MTREX: variants seen among roughly 807,000 people sequenced by gnomAD.
The protein encoded by MTREX is Mtr4 exosome RNA helicase.
MTREX carries 76 observed loss-of-function variants against 135.4 expected under a neutral mutation model. That is an observed-to-expected ratio of 0.56 (90% CI 0.47 to 0.68). The LOEUF is 0.68. MTREX is among the 30% of genes least tolerant of loss of function. MTREX has a pLI of 0.00. For synonymous variants in MTREX, 404 were observed against 401.6 expected (o/e 1.01, Z -0.07); for missense variants, 920 against 1,262.1 (o/e 0.73, Z 4.11).
chr5:55,343,495 A>G lies in MTREX; in HGVS notation c.906+40A>G, dbSNP rs760633993. 1.9e-6 allele frequency: 3 copies of G among 1,562,484 alleles called. No homozygotes were observed. In the South Asian group the frequency reaches 3.4e-5, roughly 18 times the overall value. Reference sequence around the variant, plus strand: ...TTTTTTGATGTCTTCAATATTCAAAATGTTACAGATTAGTCTTGCTTTACT... The same window carrying G: ...TTTTTTGATGTCTTCAATATTCAAAGTGTTACAGATTAGTCTTGCTTTACT... On this transcript the variant is annotated intron_variant, in intron 8 of 26. Transcript: ENST00000230640.
At chr5:55,337,248 G>A (rs570576592) in intron 5 of MTREX, among the ~76,000 whole-genome samples, 4 of 152,090 alleles carry the variant, frequency 2.6e-5, no homozygotes, top group Admixed American at 6.5e-5. Context: ...AGCCACCTTA[G>A]TAACTGGGAG....
At chr5:55,374,264 T>TA (rs1554033277) in intron 16 of MTREX, among the ~76,000 whole-genome samples, 14 of 139,654 alleles carry the variant, frequency 1.0e-4, no homozygotes, top group Admixed American at 2.9e-4. Flanking sequence ...CAAAAAACAT[T>TA]TATATATATA....
In MTREX at chr5:55,424,793, G is replaced by C. The variant is rs1463263445; in HGVS notation, c.*21G>C. 2 of 1,580,396 alleles carry C rather than the reference G, an allele frequency of 1.3e-6. No individual in the cohort carries two copies. The highest frequency in any genetic ancestry group is 1.7e-6 in the Non-Finnish European group (2 of 1,149,836). On this transcript the variant is annotated 3_prime_UTR_variant, in exon 27 of 27. Coordinates refer to ENST00000230640, the MANE Select transcript of MTREX (RefSeq NM_015360.5). ...TGTAGAGTCAGCTAAAGGAATGTGA[G>C]ATTTTAAATTATTGACCACCTGTTT...
At chr5:55,371,011 A>G (rs371698212) in intron 16 of MTREX, among the ~76,000 whole-genome samples, 5 of 152,232 alleles carry the variant, frequency 3.3e-5, no homozygotes, top group African/African-American at 1.2e-4. Flanking sequence ...AGTGAGCCAT[A>G]AGAGTAGAGG....
At chr5:55,407,691 C>T (rs1750828146) in intron 22 of MTREX, among the ~76,000 whole-genome samples, 1 of 152,078 alleles carries the variant, frequency 6.6e-6, no homozygotes, top group Non-Finnish European at 1.5e-5. Flanking sequence ...TGCAGTTGCC[C>T]TCCTGATTAT....
At chr5:55,398,510 A>G (rs1750678393) in intron 20 of MTREX, among the ~76,000 whole-genome samples, 1 of 152,200 alleles carries the variant, frequency 6.6e-6, no homozygotes, top group African/African-American at 2.4e-5. Flanking sequence ...GAAGGTTTTT[A>G]TCACTATTGG....
intron 5 of MTREX, 32 bp from the exon 6 acceptor site, chr5:55,339,978 A>G: frequency 7.1e-7 from 1 of 1,412,848 alleles, no homozygotes; most frequent in Non-Finnish European, 9.3e-7. Flanking sequence ...TTAAAGGAAA[A>G]GTTGTATGAT....
chr5:55,344,956 C>T (rs1749706164), intron 9 of MTREX, 138 bp from the exon 10 acceptor site: 1 of 619,666 alleles, frequency 1.6e-6, no homozygotes, highest in Non-Finnish European at 2.8e-6. Flanking sequence ...CCTCTTACCA[C>T]AGATCATGTT....
intron 20 of MTREX, among the ~76,000 whole-genome samples, chr5:55,398,898 G>A (rs1750682789): frequency 6.6e-6 from 1 of 152,086 alleles, no homozygotes. Context: ...CTTCATAGTC[G>A]TTTACATCAT....
chr5:55,384,352 G>T (rs941088527), intron 18 of MTREX, among the ~76,000 whole-genome samples: 15 of 151,912 alleles, frequency 9.9e-5, no homozygotes, highest in African/African-American at 3.4e-4. Flanking sequence ...ATTTGCTTTT[G>T]GTTTCTTTTT....
intron 5 of MTREX, among the ~76,000 whole-genome samples, chr5:55,330,436 T>C (rs1749457286): frequency 6.6e-6 from 1 of 152,062 alleles, no homozygotes; most frequent in Admixed American, 6.6e-5. Flanking sequence ...CCTCCGTGTC[T>C]CTTAACTTTT....
At chr5:55,317,023 A>G (rs1749209578) in intron 1 of MTREX, among the ~76,000 whole-genome samples, 1 of 152,052 alleles carries the variant, frequency 6.6e-6, no homozygotes, top group Admixed American at 6.6e-5. Flanking sequence ...AATCTCATTC[A>G]CAATTGCCAC....
intron 1 of MTREX, among the ~76,000 whole-genome samples, chr5:55,308,357 ATCT>A (rs376773669): frequency 1.7e-3 from 259 of 152,112 alleles, no homozygotes; most frequent in Non-Finnish European, 3.0e-3. Flanking sequence ...AGGCAGCGTG[ATCT>A]TCTGCTTCAA....
intron 22 of MTREX, among the ~76,000 whole-genome samples, chr5:55,410,125 T>C (rs1750863791): frequency 6.6e-6 from 1 of 152,188 alleles, no homozygotes; most frequent in Admixed American, 6.5e-5. Context: ...TACATTCTAA[T>C]TAAGATTTCT....
intron 16 of MTREX, among the ~76,000 whole-genome samples, chr5:55,373,546 TA>T (rs199932546): frequency 0.014 from 2,161 of 152,292 alleles, 22 homozygotes; most frequent in Middle Eastern, 0.051. Context: ...CTTTGTCTTA[TA>T]TTTTTTTTAT....
chr5:55,380,659 A>G (rs960042551), intron 18 of MTREX, among the ~76,000 whole-genome samples: 1 of 152,096 alleles, frequency 6.6e-6, no homozygotes, highest in African/African-American at 2.4e-5. Context: ...TTCTTTATGT[A>G]TCGGGATTCA....
rs146863314 is a variant in MTREX at position 55,418,564 on chromosome 5, A to T, written c.2971+2432A>T. 1.2e-3 allele frequency among the ~76,000 whole-genome samples: 177 copies of T among 151,326 alleles called. 1 individual carries two copies. Among genetic ancestry groups the T allele is most frequent in the African/African-American group, 4.1e-3 (169 of 41,168 alleles). On this transcript the variant is annotated intron_variant, in intron 25 of 26. Coordinates refer to ENST00000230640, the MANE Select transcript of MTREX (RefSeq NM_015360.5). The stretch of plus-strand genomic sequence containing the variant: ...AGTTTGCTTGAAATTTCAGTTTGAA[A>T]ATTTGAGAAATCCAGTTTTTTAGCT...
intron 10 of MTREX, 44 bp from the exon 11 acceptor site, chr5:55,346,969 T>A: frequency 6.7e-7 from 1 of 1,492,928 alleles, no homozygotes. Context: ...AGATCTGTGA[T>A]CTATTTTGAG....
intron 7 of MTREX, among the ~76,000 whole-genome samples, chr5:55,342,559 T>C (rs1209523579): frequency 6.6e-6 from 1 of 152,184 alleles, no homozygotes; most frequent in Non-Finnish European, 1.5e-5. Flanking sequence ...AAAAAGTAAG[T>C]ATGCTTGGAA....
Sources: allele counts gnomAD v4.1 joint callset (sites outside exome capture counted in the v4.1 genomes callset), GRCh38; gene constraint gnomAD v4.1.1; transcripts MANE v1.5; gene names NCBI Gene and HGNC (gene_info 2026-07-23, HGNC 2026-07-21).